The following MGAT4A variants were observed in gnomAD, a reference collection of about 807,000 sequenced individuals.
MGAT4A encodes the protein alpha-1,3-mannosyl-glycoprotein 4-beta-N-acetylglucosaminyltransferase A, also known as N-acetylglucosaminyltransferase IVa.
In MGAT4A, 33 loss-of-function variants were observed where a neutral mutation model predicts 74.1. The observed-to-expected ratio is 0.45, with a 90% CI of 0.34 to 0.60. The LOEUF is 0.60. Ranked by LOEUF, MGAT4A falls within the 20% of genes least tolerant of loss-of-function variation. MGAT4A has a pLI of 0.02. For missense variants in MGAT4A, 479 were observed against 628.3 expected (o/e 0.76, Z 2.54); for synonymous variants, 198 against 210.4 (o/e 0.94, Z 0.51).
In MGAT4A at chr2:98,620,390, G is replaced by C. The variant is rs1043537396; in HGVS notation, c.*5176C>G. On this transcript the variant is annotated 3_prime_UTR_variant, in exon 16 of 16. Transcript: ENST00000393487. The stretch of plus-strand genomic sequence containing the variant: ...GATAAAGTTCCCTTAAAACACTAAG[G>C]TATGGTTATGACTCACATTTCTCAT... 1 of 152,142 alleles carries C rather than the reference G, an allele frequency of 6.6e-6. No individual in the cohort carries two copies. The highest frequency in any genetic ancestry group is 2.4e-5 in the African/African-American group (1 of 41,430). The allele number at this position is 152,142 out of a possible 1,614,324, so 9.4% of individuals were successfully genotyped here.
rs1701109972 is a variant in MGAT4A, at chr2:98,624,276, T to C, written c.*1290A>G. ...ATCCGCCCGCCTCGGCCTCCCAAAG[T>C]GCTGGGATTACAGGCGTGAGCCACA... On this transcript the variant is annotated 3_prime_UTR_variant, in exon 16 of 16. Transcript: ENST00000393487. 3 of 875,274 alleles carry C rather than the reference T, an allele frequency of 3.4e-6. No homozygotes were observed. Among genetic ancestry groups the C allele is most frequent in the South Asian group, 1.1e-4 (2 of 18,994 alleles). 54.2% of individuals were successfully genotyped at this position (875,274 alleles called of 1,614,324 possible). A position where few individuals can be genotyped will look rare whatever the true frequency, so the allele number is the denominator to read the frequency against.
chr2:98,727,374 G>T (rs116569908), intron 1 of MGAT4A, among the ~76,000 whole-genome samples: 62 of 152,322 alleles, frequency 4.1e-4, no homozygotes, highest in African/African-American at 1.4e-3. Flanking sequence ...TGAAGTCTTA[G>T]AAGTACTTAA....
chr2:98,655,427 A>T lies in MGAT4A; in HGVS notation c.774+18T>A. ...TTTTCTTTACAAGCATGAAAAACAA[A>T]GGAAAAACTACACTTACCTGAATGT... is the stretch of plus-strand genomic sequence containing the variant. On this transcript the variant is annotated intron_variant, in intron 8 of 15. Transcript: ENST00000393487. The T allele has an allele frequency of 6.4e-7, 1 of 1,554,640 alleles. No individual in the cohort carries two copies. The highest frequency in any genetic ancestry group is 8.7e-7 in the Non-Finnish European group (1 of 1,143,516).
intron 2 of MGAT4A, among the ~76,000 whole-genome samples, chr2:98,709,142 A>G (rs1702480406): frequency 1.3e-5 from 2 of 152,206 alleles, no homozygotes. Flanking sequence ...AGGGATATTA[A>G]TACTCACTTC....
At chr2:98,676,255 G>A (rs1187135527) in intron 3 of MGAT4A, among the ~76,000 whole-genome samples, 1 of 152,146 alleles carries the variant, frequency 6.6e-6, no homozygotes, top group African/African-American at 2.4e-5. Context: ...TTAATCTCAT[G>A]CGTAAAGAAA....
intron 4 of MGAT4A, among the ~76,000 whole-genome samples, chr2:98,666,472 C>T (rs553029249): frequency 1.2e-4 from 19 of 152,228 alleles, no homozygotes; most frequent in South Asian, 1.0e-3. Flanking sequence ...GCGGAAGGAT[C>T]GCTTGAGCCC....
intron 7 of MGAT4A, 112 bp from the exon 8 acceptor site, chr2:98,655,632 G>GTACACACACACACA: frequency 4.5e-6 from 3 of 667,884 alleles, no homozygotes; most frequent in Non-Finnish European, 5.2e-6. Context: ...ATGTATATGT[G>GTACACACACACACA]TACACACACA....
At chr2:98,644,295 A>G (rs1701454449) in intron 9 of MGAT4A, among the ~76,000 whole-genome samples, 1 of 152,222 alleles carries the variant, frequency 6.6e-6, no homozygotes, top group African/African-American at 2.4e-5. Context: ...ATAATAATCT[A>G]TCGTATACCT....
chr2:98,688,144 T>G (rs1446736968), intron 2 of MGAT4A, among the ~76,000 whole-genome samples: 2 of 152,182 alleles, frequency 1.3e-5, no homozygotes, highest in Non-Finnish European at 2.9e-5. Flanking sequence ...TAGCTATCGT[T>G]TCTTTTTTGA....
chr2:98,641,499 CAAAAAAAA>C (rs1205460540), intron 10 of MGAT4A, among the ~76,000 whole-genome samples: 2 of 75,280 alleles, frequency 2.7e-5, no homozygotes, highest in Non-Finnish European at 5.0e-5. Context: ...ACTAAAAATA[CAAAAAAAA>C]AAAAAAAAAA....
intron 2 of MGAT4A, among the ~76,000 whole-genome samples, chr2:98,681,642 T>C (rs992924359): frequency 6.6e-6 from 1 of 152,052 alleles, no homozygotes; most frequent in African/African-American, 2.4e-5. Flanking sequence ...CTCAACACCA[T>C]TTGCCACTAA....
intron 8 of MGAT4A, among the ~76,000 whole-genome samples, chr2:98,648,721 C>T (rs1701532969): frequency 7.0e-6 from 1 of 142,416 alleles, no homozygotes; most frequent in Admixed American, 6.9e-5. Flanking sequence ...GACCCTGTCT[C>T]CAAAAAAAAA....
At chr2:98,713,185 C>CAAAAAA (rs139508612) in intron 2 of MGAT4A, among the ~76,000 whole-genome samples, 1 of 54,220 alleles carries the variant, frequency 1.8e-5, no homozygotes, top group African/African-American at 6.7e-5. Flanking sequence ...GATCATGTCT[C>CAAAAAA]AAAAAAAAAA....
At position 98,679,762 on chromosome 2, in the gene MGAT4A, G is replaced by A. The variant is rs1158703171; in HGVS notation, c.95-1291C>T. ...CTAGGAAATAAAAGTGGGCTTTGATGAGGATAAACGTAGGCATTGAAACAA... is the reference window on the plus strand; with the variant it reads ...CTAGGAAATAAAAGTGGGCTTTGATAAGGATAAACGTAGGCATTGAAACAA... On this transcript the variant is annotated intron_variant, in intron 2 of 15. Coordinates refer to ENST00000393487, the MANE Select transcript of MGAT4A (RefSeq NM_012214.3). Among the ~76,000 whole-genome samples the A allele has an allele frequency of 2.0e-5, 3 of 152,160 alleles. No individual in the cohort carries two copies. In the East Asian group the frequency reaches 5.8e-4, roughly 29 times the overall value.
intron 1 of MGAT4A, 82 bp downstream of exon 1, chr2:98,730,963 GCCC>G (rs1212847818): frequency 1.4e-5 from 2 of 146,096 alleles, no homozygotes; most frequent in Non-Finnish European, 3.1e-5. Flanking sequence ...CGCCGGCGCC[GCCC>G]CCAACTCCCG....
chr2:98,696,120 T>C (rs1028367460), intron 2 of MGAT4A, among the ~76,000 whole-genome samples: 3 of 152,066 alleles, frequency 2.0e-5, no homozygotes, highest in Admixed American at 2.0e-4. Flanking sequence ...TGACCTCAGG[T>C]GATCTGCACA....
intron 8 of MGAT4A, among the ~76,000 whole-genome samples, chr2:98,646,065 AC>A (rs1193083477): frequency 6.6e-6 from 1 of 152,150 alleles, no homozygotes; most frequent in East Asian, 1.9e-4. Flanking sequence ...ATTATTGAAA[AC>A]CAAGGCTTTC....
In MGAT4A at chr2:98,656,684, T is replaced by C. The variant is rs774840491; in HGVS notation, c.585-219A>G. 2.8e-4 allele frequency among the ~76,000 whole-genome samples: 42 copies of C among 152,022 alleles called. No homozygotes were observed. The Middle Eastern group carries it at 0.024, about 86-fold the overall frequency. On this transcript the variant is annotated intron_variant, in intron 6 of 15. Coordinates refer to ENST00000393487, the MANE Select transcript of MGAT4A (RefSeq NM_012214.3). ...AAAAGTTTTTTTTTAAAGTAATGCT[T>C]TAAAAACTATAAAATACTGCTCTTA... is the stretch of plus-strand genomic sequence containing the variant.
chr2:98,626,803 C>T (rs1701151537), intron 14 of MGAT4A, among the ~76,000 whole-genome samples: 1 of 152,126 alleles, frequency 6.6e-6, no homozygotes, highest in Non-Finnish European at 1.5e-5. Context: ...ATAATCAAAA[C>T]TGACTGCAAA....
Sources: allele counts gnomAD v4.1 joint callset (sites outside exome capture counted in the v4.1 genomes callset), GRCh38; gene constraint gnomAD v4.1.1; transcripts MANE v1.5; gene names NCBI Gene and HGNC (gene_info 2026-07-23, HGNC 2026-07-21).